The following VWF variants were observed in gnomAD, a reference collection of about 807,000 sequenced individuals.
VWF encodes Factor VIII related antigen.
A neutral mutation model predicts 308.6 loss-of-function variants in VWF; 176 were observed. The ratio of observed to expected loss-of-function variants is 0.57; its 90% CI spans 0.50 to 0.65. The LOEUF is 0.65. Ranked by LOEUF, VWF falls within the 30% of genes least tolerant of loss-of-function variation. The pLI is 0.00. For missense variants in VWF, 3,146 were observed against 3,648.2 expected, an observed-to-expected ratio of 0.86 and a Z score of 3.55; for synonymous variants, 1,385 against 1,443.4, an observed-to-expected ratio of 0.96 and a Z score of 0.92.
chr12:5,981,785 C>G lies in VWF; in HGVS notation c.7287+1G>C, dbSNP rs1235191685. The G allele has an allele frequency of 6.2e-7, 1 of 1,614,054 alleles. No homozygotes were observed. The highest frequency in any genetic ancestry group is 8.5e-7 in the Non-Finnish European group (1 of 1,180,028). ...ATAGTTAATAGCCAAGCAGTCCTTA[C>G]CTTGTCGGGAAGGCAGGTGGTTGTG... On this transcript the variant is annotated splice_donor_variant, in intron 42 of 51. Transcript: ENST00000261405. LOFTEE classifies it high-confidence loss of function.
chr12:6,040,423 A>G (rs1437467176), intron 18 of VWF, among the ~76,000 whole-genome samples: 1 of 152,138 alleles, frequency 6.6e-6, no homozygotes, highest in Non-Finnish European at 1.5e-5. Context: ...GGCAGGATTC[A>G]CCGTTTCCCA....
intron 6 of VWF, among the ~76,000 whole-genome samples, chr12:6,092,624 T>TGAGTGTGA (rs1180180618): frequency 1.1e-5 from 1 of 87,014 alleles, no homozygotes; most frequent in Non-Finnish European, 2.2e-5. Flanking sequence ...TGAGAGTGTG[T>TGAGTGTGA]GTGTGTGTGT....
Position 6,019,778 on chromosome 12 carries a change from G to A in VWF, c.3675-35C>T. ...AGAGCGAAGAAATTAAAATGGTTCA[G>A]GAAGAACCTGTGGACACTTCTGAGC... On this transcript the variant is annotated intron_variant, in intron 27 of 51. Transcript: ENST00000261405. This position sits in a 1 kb window ranked among gnomAD's most constrained non-coding sequence, Gnocchi z 5.8. The A allele has an allele frequency of 6.3e-7, 1 of 1,579,964 alleles. No homozygotes were observed. The highest frequency in any genetic ancestry group is 1.1e-5 in the South Asian group (1 of 87,568).
rs773433634 is a variant in VWF at position 6,018,882 on chromosome 12, G to A, written c.4536C>T (p.Ala1512=). The change falls in exon 28 of 52, where the codon GCC becomes GCT. Residue 1512 remains alanine (A), a synonymous_variant. Transcript: ENST00000261405. ...VLEGSDKIGE[A]DFNRSKEFME... ...TGAACTCCTTGCTCCTGTTGAAGTC[G>A]GCTTCACCAATTTTGTCCGATCCTT... The A allele has an allele frequency of 3.3e-5, 54 of 1,613,784 alleles. No homozygotes were observed. The highest frequency in any genetic ancestry group is 1.6e-4 in the Middle Eastern group (1 of 6,078).
chr12:6,004,671 G>A (rs995655358), intron 34 of VWF, among the ~76,000 whole-genome samples: 4 of 151,386 alleles, frequency 2.6e-5, no homozygotes, highest in African/African-American at 9.7e-5. Flanking sequence ...AAAGAATTCA[G>A]TAAAGCTATA....
intron 40 of VWF, among the ~76,000 whole-genome samples, chr12:5,983,555 G>GATAGATAGATAGATAGATGATAA (rs1565818841): frequency 6.6e-6 from 1 of 151,836 alleles, no homozygotes; most frequent in Admixed American, 6.6e-5. Flanking sequence ...ATGATAGATA[G>GATAGATAGATAGATAGATGATAA]AGGATAGATG....
Position 5,953,600 on chromosome 12 carries a change from T to G in VWF, c.7888-6A>C, listed in dbSNP as rs752622826. ...TTATTTTCTTCCTTGTAACCCTGCATCCAGAGGGGGAAAAAGCAGCCATAG... is the reference window on the plus strand; with the variant it reads ...TTATTTTCTTCCTTGTAACCCTGCAGCCAGAGGGGGAAAAAGCAGCCATAG... On this transcript the variant is annotated splice_region_variant and splice_polypyrimidine_tract_variant and intron_variant, in intron 47 of 51. Coordinates refer to ENST00000261405, the MANE Select transcript of VWF (RefSeq NM_000552.5). 1.3e-5 allele frequency: 21 copies of G among 1,613,154 alleles called. No individual in the cohort carries two copies. The highest frequency in any genetic ancestry group is 1.7e-5 in the Admixed American group (1 of 60,018).
intron 5 of VWF, among the ~76,000 whole-genome samples, chr12:6,110,044 C>T (rs1591924065): frequency 2.0e-5 from 3 of 152,208 alleles, no homozygotes; most frequent in East Asian, 1.9e-4. Flanking sequence ...TGTGGAGGAC[C>T]GACCACTCCA....
chr12:5,964,656 GATTA>G, intron 47 of VWF, among the ~76,000 whole-genome samples: 1 of 152,184 alleles, frequency 6.6e-6, no homozygotes, highest in South Asian at 2.1e-4. Context: ...CTTGCTCAGA[GATTA>G]ATTTAAACCA....
chr12:6,103,798 T>C (rs2136512911), intron 5 of VWF, among the ~76,000 whole-genome samples: 1 of 152,038 alleles, frequency 6.6e-6, no homozygotes, highest in Middle Eastern at 3.4e-3. Flanking sequence ...ATGTAAGGTC[T>C]GAAACTATAA....
intron 5 of VWF, among the ~76,000 whole-genome samples, chr12:6,103,804 T>C (rs1416400868): frequency 2.6e-5 from 4 of 151,890 alleles, no homozygotes; most frequent in African/African-American, 9.7e-5. Context: ...GGTCTGAAAC[T>C]ATAAAAATCC....
intron 34 of VWF, among the ~76,000 whole-genome samples, chr12:6,009,963 C>T (rs540788670): frequency 1.4e-3 from 217 of 152,080 alleles, no homozygotes; most frequent in South Asian, 4.6e-3. Context: ...ATGGTGGTTG[C>T]GGGGGCTAGG....
At chr12:6,109,522 C>T (rs1163941719) in intron 5 of VWF, among the ~76,000 whole-genome samples, 1 of 152,156 alleles carries the variant, frequency 6.6e-6, no homozygotes, top group Admixed American at 6.5e-5. Context: ...TGTTTACTCT[C>T]TAATCAGAAA....
intron 18 of VWF, among the ~76,000 whole-genome samples, chr12:6,037,460 C>T (rs1379466788): frequency 1.3e-5 from 2 of 152,146 alleles, no homozygotes; most frequent in African/African-American, 2.4e-5. Context: ...TCTACTTCCC[C>T]GTCGTCACCC....
In VWF at chr12:5,991,888, C is replaced by A; in HGVS notation, c.6729G>T (p.Met2243Ile). 2 of 1,614,266 alleles carry A rather than the reference C, an allele frequency of 1.2e-6. No homozygotes were observed. Among genetic ancestry groups the A allele is most frequent in the Non-Finnish European group, 1.7e-6 (2 of 1,180,052 alleles). Residue 2243 changes from methionine (M) to isoleucine (I), a missense_variant, in exon 38 of 52, where the codon ATG becomes ATT. Around this residue, in one of 3 missense-constraint regions of VWF, gnomAD observed 989 missense variants for 1,117.4 expected, o/e 0.89. Coordinates refer to ENST00000261405, the MANE Select transcript of VWF (RefSeq NM_000552.5). ...CTTCAGGGACACAGCTGCCTTCCAA[C>A]ATGACTTTATCTGGAGGGCAGAAAC... Reference protein sequence around the residue: ...EGCFCPPDKVMLEGSCVPEEA... With the variant: ...EGCFCPPDKVILEGSCVPEEA...
intron 40 of VWF, among the ~76,000 whole-genome samples, chr12:5,984,437 C>G (rs939192652): frequency 1.3e-5 from 2 of 152,264 alleles, no homozygotes; most frequent in African/African-American, 4.8e-5. Context: ...GTCCCCTGAT[C>G]TATCTGCTCT....
chr12:5,998,359 A>G (rs1943829704), intron 34 of VWF, among the ~76,000 whole-genome samples: 1 of 148,874 alleles, frequency 6.7e-6, no homozygotes, highest in African/African-American at 2.5e-5. Flanking sequence ...TTAGCCAGGC[A>G]TGGTGGCGGG....
intron 2 of VWF, 79 bp downstream of exon 2, chr12:6,123,063 C>T: frequency 6.3e-7 from 1 of 1,579,350 alleles, no homozygotes. Context: ...GCTCCAGACA[C>T]ACCTGCTGAT....
At chr12:5,959,295 T>C (rs1328891041) in intron 47 of VWF, among the ~76,000 whole-genome samples, 1 of 152,176 alleles carries the variant, frequency 6.6e-6, no homozygotes, top group Non-Finnish European at 1.5e-5. Flanking sequence ...TTAAGAGGGA[T>C]GCATCTACAG....
Sources: gnomAD v4.1 joint callset for allele counts (sites outside exome capture counted in the v4.1 genomes callset) on GRCh38, gnomAD v4.1.1 for gene constraint, gnomAD v4.1.1 regional missense constraint, Gnocchi (gnomAD v3.1) non-coding constraint, MANE v1.5 for transcripts, NCBI Gene and HGNC (gene_info 2026-07-23, HGNC 2026-07-21) for gene names.